The following CDH7 variants were observed in gnomAD, a reference collection of about 807,000 sequenced individuals.
The protein encoded by CDH7 is cadherin 7.
In CDH7, 25 loss-of-function variants were observed where a neutral mutation model predicts 71.8. That is an observed-to-expected ratio of 0.35 (90% CI 0.25 to 0.49). The LOEUF (loss-of-function observed/expected upper bound fraction) is 0.49, where lower values mean the gene tolerates loss of function less well. CDH7 is among the 20% of genes least tolerant of loss of function. CDH7 has a pLI of 0.99. For synonymous variants in CDH7, 381 were observed against 363.8 expected (o/e 1.05, Z -0.54); for missense variants, 862 against 974.6 (o/e 0.88, Z 1.54).
intron 6 of CDH7, among the ~76,000 whole-genome samples, chr18:65,834,552 ACG>A (rs1409139668): frequency 6.6e-6 from 1 of 152,172 alleles, no homozygotes; most frequent in Non-Finnish European, 1.5e-5. Context: ...ATATTTTAAG[ACG>A]GGTTAAAAAT....
intron 7 of CDH7, among the ~76,000 whole-genome samples, chr18:65,847,931 G>T (rs1912989991): frequency 6.6e-6 from 1 of 151,612 alleles, no homozygotes; most frequent in Non-Finnish European, 1.5e-5. Context: ...GCCAAGGGTA[G>T]AAGTTAGTTG....
rs1304867001 is a variant in CDH7 at position 65,883,159 on chromosome 18, AC to A, written c.*2268del. 4 of 152,150 alleles carry A rather than the reference AC, an allele frequency of 2.6e-5. No individual in the cohort carries two copies. The highest frequency in any genetic ancestry group is 2.0e-4 in the Admixed American group (3 of 15,280). 9.4% of individuals were successfully genotyped at this position (152,150 alleles called of 1,614,324 possible). ...ATAATAATTTAAAATTATTGCATAT[AC>A]CCAATTGCTATTTATGTGTGGATGA... On this transcript the variant is annotated 3_prime_UTR_variant, in exon 12 of 12. Coordinates refer to ENST00000397968, the MANE Select transcript of CDH7 (RefSeq NM_004361.5).
At chr18:65,755,879 T>G (rs1465090817) in intron 1 of CDH7, among the ~76,000 whole-genome samples, 1 of 152,040 alleles carries the variant, frequency 6.6e-6, no homozygotes, top group Non-Finnish European at 1.5e-5. Context: ...AGTGGATGAA[T>G]CAGCAGGCAG....
At chr18:65,765,582 GA>G (rs1916334887) in intron 2 of CDH7, among the ~76,000 whole-genome samples, 1 of 151,214 alleles carries the variant, frequency 6.6e-6, no homozygotes, top group Admixed American at 6.6e-5. Flanking sequence ...ATCATAGAAA[GA>G]AAAAAAGAAC....
intron 4 of CDH7, among the ~76,000 whole-genome samples, chr18:65,821,475 C>T (rs1256758422): frequency 6.6e-6 from 1 of 151,964 alleles, no homozygotes; most frequent in Non-Finnish European, 1.5e-5. Flanking sequence ...CAATAGCATC[C>T]AACTACACTT....
intron 1 of CDH7, among the ~76,000 whole-genome samples, chr18:65,754,513 A>T (rs1915979005): frequency 6.6e-6 from 1 of 152,246 alleles, no homozygotes; most frequent in South Asian, 2.1e-4. Flanking sequence ...GAGCTCTTTC[A>T]TCAGAATTAA....
intron 4 of CDH7, among the ~76,000 whole-genome samples, chr18:65,818,836 A>G (rs1568201989): frequency 6.6e-6 from 1 of 152,098 alleles, no homozygotes; most frequent in Non-Finnish European, 1.5e-5. Flanking sequence ...ATTTTAAATG[A>G]TTTTTTTGCT....
Position 65,887,978 on chromosome 18 carries a change from G to A in CDH7, c.*7084G>A, listed in dbSNP as rs1282618455. On this transcript the variant is annotated 3_prime_UTR_variant, in exon 12 of 12. Coordinates refer to ENST00000397968, the MANE Select transcript of CDH7 (RefSeq NM_004361.5). ...TGCTTATGTAAGAGTCACTTCTATA[G>A]TAAAAGAGCCTTAAAAATGTTAATT... 6.6e-6 allele frequency: 1 copy of A among 152,066 alleles called. No homozygotes were observed. Among genetic ancestry groups the A allele is most frequent in the Non-Finnish European group, 1.5e-5 (1 of 68,016 alleles). 9.4% of individuals were successfully genotyped at this position (152,066 alleles called of 1,614,324 possible). A position where few individuals can be genotyped will look rare whatever the true frequency, so the allele number is the denominator to read the frequency against.
At chr18:65,859,192 C>A in intron 9 of CDH7, 146 bp downstream of exon 9, 1 of 711,274 alleles carries the variant, frequency 1.4e-6, no homozygotes, top group Admixed American at 2.8e-5. Flanking sequence ...GTAGCATGAA[C>A]TAATATTAAA....
intron 1 of CDH7, among the ~76,000 whole-genome samples, chr18:65,752,737 C>T (rs1915919633): frequency 6.6e-6 from 1 of 152,072 alleles, no homozygotes; most frequent in Non-Finnish European, 1.5e-5. Flanking sequence ...AGGTAACATC[C>T]AACGTCAATA....
rs1158130420 is a variant in CDH7, at chr18:65,822,014, C to A, written c.626-67C>A. On this transcript the variant is annotated intron_variant, in intron 4 of 11. Transcript: ENST00000397968. ...CTCAAGAGGGACTTACTACTTGTAT[C>A]AGTATTCTTTGTTAGTATAAATGCA... The A allele has an allele frequency of 5.0e-6, 6 of 1,207,312 alleles. No individual in the cohort carries two copies. The East Asian group carries it at 1.4e-4, about 28-fold the overall frequency. The allele number at this position is 1,207,312 out of a possible 1,614,324, so 74.8% of individuals were successfully genotyped here. A position where few individuals can be genotyped will look rare whatever the true frequency, so the allele number is the denominator to read the frequency against.
At chr18:65,856,633 T>C (rs565992025) in intron 7 of CDH7, among the ~76,000 whole-genome samples, 1 of 152,222 alleles carries the variant, frequency 6.6e-6, no homozygotes, top group Admixed American at 6.5e-5. Flanking sequence ...AAGGCCTTTA[T>C]GTTTAATGGG....
At chr18:65,808,607 A>T (rs904715681) in intron 2 of CDH7, among the ~76,000 whole-genome samples, 1 of 152,240 alleles carries the variant, frequency 6.6e-6, no homozygotes, top group African/African-American at 2.4e-5. Context: ...CAGAAATTCA[A>T]GGTACAAAAG....
Position 65,782,566 on chromosome 18 carries a change from T to C in CDH7, c.210+19514T>C, listed in dbSNP as rs751757042. Reference sequence around the variant, plus strand: ...AATTCATGTACAGTTGACTCTCATCTATGATAGTTATTTCTATGCAGACAC... The same window carrying C: ...AATTCATGTACAGTTGACTCTCATCCATGATAGTTATTTCTATGCAGACAC... On this transcript the variant is annotated intron_variant, in intron 2 of 11. Coordinates refer to ENST00000397968, the MANE Select transcript of CDH7 (RefSeq NM_004361.5). 7.2e-5 allele frequency among the ~76,000 whole-genome samples: 11 copies of C among 152,278 alleles called. No individual in the cohort carries two copies. In the South Asian group the frequency reaches 8.3e-4, roughly 11 times the overall value.
intron 6 of CDH7, among the ~76,000 whole-genome samples, chr18:65,832,704 A>G (rs1243444774): frequency 6.6e-6 from 1 of 152,168 alleles, no homozygotes; most frequent in Non-Finnish European, 1.5e-5. Flanking sequence ...GTAAACATAA[A>G]GATTATCACA....
chr18:65,871,930 C>G (rs943395172), intron 11 of CDH7, among the ~76,000 whole-genome samples: 2 of 152,010 alleles, frequency 1.3e-5, no homozygotes, highest in African/African-American at 4.8e-5. Context: ...TCTTGCCATA[C>G]AAGAGGCAGT....
Position 65,781,021 on chromosome 18 carries a change from G to A in CDH7, c.210+17969G>A, listed in dbSNP as rs138979197. Among the ~76,000 whole-genome samples the A allele has an allele frequency of 5.4e-3, 796 of 146,444 alleles. 7 individuals carry two copies. Among genetic ancestry groups the A allele is most frequent in the African/African-American group, 0.019 (756 of 39,716 alleles). On this transcript the variant is annotated intron_variant, in intron 2 of 11. Transcript: ENST00000397968. ...CTATGGTCCCATCTTCACTTGAGTC[G>A]CATATGTTCTTCATCAATACTCTTC...
At chr18:65,839,658 G>A (rs1912657906) in intron 6 of CDH7, among the ~76,000 whole-genome samples, 1 of 152,168 alleles carries the variant, frequency 6.6e-6, no homozygotes, top group African/African-American at 2.4e-5. Flanking sequence ...TTTATTACAT[G>A]GGTAAGGCGT....
At chr18:65,844,252 A>C (rs1235865692) in intron 7 of CDH7, among the ~76,000 whole-genome samples, 187 bp downstream of exon 7, 1 of 148,078 alleles carries the variant, frequency 6.8e-6, no homozygotes, top group Non-Finnish European at 1.5e-5. Flanking sequence ...CAAAAATATC[A>C]TCTGATTATC....
Sources: gnomAD v4.1 joint callset for allele counts (sites outside exome capture counted in the v4.1 genomes callset) on GRCh38, gnomAD v4.1.1 for gene constraint, MANE v1.5 for transcripts, NCBI Gene and HGNC (gene_info 2026-07-23, HGNC 2026-07-21) for gene names.